The following TRIM56 variants were observed in gnomAD, a reference collection of about 807,000 sequenced individuals.
The protein encoded by TRIM56 is tripartite motif containing 56.
TRIM56 carries 10 observed loss-of-function variants against 17.1 expected under a neutral mutation model. The observed-to-expected ratio is 0.58, with a 90% confidence interval of 0.36 to 0.99. The LOEUF (loss-of-function observed/expected upper bound fraction) is 0.99. Among genes scored for constraint, TRIM56 ranks in the 50% least tolerant of loss-of-function variants. TRIM56 has a pLI of 0.01. For synonymous variants in TRIM56, 503 were observed against 473.5 expected (o/e 1.06, Z -0.81); for missense variants, 923 against 1,052.3 (o/e 0.88, Z 1.70).
rs564851373 is a variant in TRIM56 at position 101,092,094 on chromosome 7, A to G, written c.*2514A>G. The G allele has an allele frequency of 2.0e-5, 6 of 292,752 alleles. No individual in the cohort carries two copies. The highest frequency in any genetic ancestry group is 1.7e-4 in the South Asian group (6 of 35,950). 18.1% of individuals were successfully genotyped at this position (292,752 alleles called of 1,614,324 possible). A position where few individuals can be genotyped will look rare whatever the true frequency, so the allele number is the denominator to read the frequency against. ...CGGAGTCTCGTTCACTCGGTGCTCA[A>G]TGTTGCCCAGGCTGGAGTGCAGTGT... On this transcript the variant is annotated 3_prime_UTR_variant, in exon 3 of 3. Transcript: ENST00000306085.
chr7:101,088,202 G>A lies in TRIM56; in HGVS notation c.890G>A (p.Gly297Asp), dbSNP rs1288198183. Reference sequence around the variant, plus strand: ...CGGGAGAGGCTGGCGGAGCTTGAGGGCCGGGAGCAGGTGGCCAGGGCCGCA... The same window carrying A: ...CGGGAGAGGCTGGCGGAGCTTGAGGACCGGGAGCAGGTGGCCAGGGCCGCA... ...AARERLAELE[G>D]REQVARAAAA... Residue 297 changes from glycine (G) to aspartate (D), a missense_variant, in exon 3 of 3, where the codon GGC (glycine) becomes GAC (aspartate). By Grantham distance (94) the Gly-to-Asp change is moderately conservative. Transcript: ENST00000306085. 4 of 1,473,446 alleles carry A rather than the reference G, an allele frequency of 2.7e-6. No homozygotes were observed. Among genetic ancestry groups the A allele is most frequent in the Non-Finnish European group, 3.6e-6 (4 of 1,116,644 alleles). 91.3% of individuals were successfully genotyped at this position (1,473,446 alleles called of 1,614,324 possible). A position where few individuals can be genotyped will look rare whatever the true frequency, so the allele number is the denominator to read the frequency against.
rs770055433 is a variant in TRIM56, at chr7:101,089,280, T to C, written c.1968T>C (p.Asn656=). 6.2e-7 allele frequency: 1 copy of C among 1,609,844 alleles called. No homozygotes were observed. Among genetic ancestry groups the C allele is most frequent in the Admixed American group, 1.7e-5 (1 of 59,760 alleles). Residue 656 remains asparagine, a synonymous_variant, in exon 3 of 3, where the codon AAT becomes AAC. Coordinates refer to ENST00000306085, the MANE Select transcript of TRIM56 (RefSeq NM_030961.3). ...GHFVGSDWQQ[N]SVVICDGLGQ... ...TCGTGGGGTCGGACTGGCAGCAGAA[T>C]AGTGTGGTAATCTGTGATGGGCTGG...
Position 101,093,124 on chromosome 7 carries a change from A to C in TRIM56, c.*3544A>C, listed in dbSNP as rs1364029519. Reference sequence around the variant, plus strand: ...GTGCAAGATGTGCTTTGTTAAACAGATGCTTGAAGGCAGCATGCTCCTTAA... The same window carrying C: ...GTGCAAGATGTGCTTTGTTAAACAGCTGCTTGAAGGCAGCATGCTCCTTAA... On this transcript the variant is annotated 3_prime_UTR_variant, in exon 3 of 3. Coordinates refer to ENST00000306085, the MANE Select transcript of TRIM56 (RefSeq NM_030961.3). 1 of 163,570 alleles carries C rather than the reference A, an allele frequency of 6.1e-6. No individual in the cohort carries two copies. Among genetic ancestry groups the C allele is most frequent in the Non-Finnish European group, 1.3e-5 (1 of 75,684 alleles). The allele number at this position is 163,570 out of a possible 1,614,324, so 10.1% of individuals were successfully genotyped here. A position where few individuals can be genotyped will look rare whatever the true frequency, so the allele number is the denominator to read the frequency against.
chr7:101,088,941 C>A lies in TRIM56; in HGVS notation c.1629C>A (p.Thr543=). Residue 543 remains threonine, a synonymous_variant, in exon 3 of 3, where the codon ACC becomes ACA. Coordinates refer to ENST00000306085, the MANE Select transcript of TRIM56 (RefSeq NM_030961.3). The part of the protein sequence containing the change: ...RFSLNGDYKG[T]VPVPEGCSPC... Reference sequence around the variant, plus strand: ...CCCTCAACGGCGACTACAAGGGCACCGTGCCGGTCCCTGAGGGCTGCTCCC... The same window carrying A: ...CCCTCAACGGCGACTACAAGGGCACAGTGCCGGTCCCTGAGGGCTGCTCCC... The A allele has an allele frequency of 1.9e-6, 3 of 1,613,494 alleles. No individual in the cohort carries two copies. The highest frequency in any genetic ancestry group is 2.2e-5 in the East Asian group (1 of 44,868).
rs1217012096 is a variant in TRIM56 at position 101,095,555 on chromosome 7, C to T, written c.*5975C>T. ...CTGGCTGGTGAAATGATTCTAGCCA[C>T]GTGGCCCACCCAGGGGGCAAAACAA... On this transcript the variant is annotated 3_prime_UTR_variant, in exon 3 of 3. Coordinates refer to ENST00000306085, the MANE Select transcript of TRIM56 (RefSeq NM_030961.3). The T allele has an allele frequency of 6.6e-6, 1 of 152,150 alleles. No individual in the cohort carries two copies. The highest frequency in any genetic ancestry group is 2.1e-4 in the South Asian group (1 of 4,832). The allele number at this position is 152,150 out of a possible 1,614,324, so 9.4% of individuals were successfully genotyped here.
chr7:101,087,804 C>A lies in TRIM56; in HGVS notation c.492C>A (p.Arg164=). ...AGWYDEEARE[R]QAAQCPQHPG... ...GGTATGATGAGGAGGCCCGGGAGCG[C>A]CAAGCGGCCCAGTGTCCCCAGCACC... is the stretch of plus-strand genomic sequence containing the variant. Residue 164 remains arginine, a synonymous_variant, in exon 3 of 3, where the codon CGC becomes CGA. Coordinates refer to ENST00000306085, the MANE Select transcript of TRIM56 (RefSeq NM_030961.3). 6.2e-7 allele frequency: 1 copy of A among 1,605,856 alleles called. No homozygotes were observed.
At position 101,090,832 on chromosome 7, in the gene TRIM56, C is replaced by T. The variant is rs10233905; in HGVS notation, c.*1252C>T. The stretch of plus-strand genomic sequence containing the variant: ...AAATCTCTAGGCTCCAACGCTTCTG[C>T]TTCGGTGTCTTTCCATTTCCCAGGG... On this transcript the variant is annotated 3_prime_UTR_variant, in exon 3 of 3. Transcript: ENST00000306085. 0.13 allele frequency: 20,480 copies of T among 152,108 alleles called. 2,367 individuals are homozygous for T. Among genetic ancestry groups the T allele is most frequent in the African/African-American group, 0.32 (13,226 of 41,396 alleles). The allele number at this position is 152,108 out of a possible 1,614,324, so 9.4% of individuals were successfully genotyped here. A position where few individuals can be genotyped will look rare whatever the true frequency, so the allele number is the denominator to read the frequency against.
In TRIM56 at chr7:101,087,848, T is replaced by C. The variant is rs1795478964; in HGVS notation, c.536T>C (p.Phe179Ser). 1 of 1,604,646 alleles carries C rather than the reference T, an allele frequency of 6.2e-7. No homozygotes were observed. The highest frequency in any genetic ancestry group is 8.5e-7 in the Non-Finnish European group (1 of 1,176,818). Residue 179 changes from phenylalanine to serine, a missense_variant, in exon 3 of 3, where the codon TTC (phenylalanine) becomes TCC (serine). By Grantham distance (155) the Phe-to-Ser change is radical. Coordinates refer to ENST00000306085, the MANE Select transcript of TRIM56 (RefSeq NM_030961.3). ...CPQHPGEALR[F>S]LCQPCSQLLC... ...CAGCACCCCGGGGAGGCACTGCGCT[T>C]CCTGTGCCAGCCCTGCTCACAGTTG...
chr7:101,087,918 C>T lies in TRIM56; in HGVS notation c.606C>T (p.Cys202=). The change falls in exon 3 of 3, where the codon TGC becomes TGT. Residue 202 remains cysteine, a synonymous_variant. Coordinates refer to ENST00000306085, the MANE Select transcript of TRIM56 (RefSeq NM_030961.3). ...TAGACCCCCACCTGGACCACCCCTG[C>T]CTGCCTCTGGCTGAAGCTGTGCGTG... ...CRLDPHLDHP[C]LPLAEAVRAR... is the part of the protein sequence containing the mutation. The T allele has an allele frequency of 6.2e-7, 1 of 1,602,058 alleles. No individual in the cohort carries two copies. The highest frequency in any genetic ancestry group is 8.5e-7 in the Non-Finnish European group (1 of 1,177,668).
rs1047368698 is a variant in TRIM56, at chr7:101,095,257, C to T, written c.*5677C>T. 2 of 152,348 alleles carry T rather than the reference C, an allele frequency of 1.3e-5. No homozygotes were observed. Among genetic ancestry groups the T allele is most frequent in the African/African-American group, 4.8e-5 (2 of 41,418 alleles). 9.4% of individuals were successfully genotyped at this position (152,348 alleles called of 1,614,324 possible). ...AGAGGTGGTGGCATGCACCCGTAGTCCCAGCTGCTCGGGAGGCTGAGGCAG... is the reference window on the plus strand; with the variant it reads ...AGAGGTGGTGGCATGCACCCGTAGTTCCAGCTGCTCGGGAGGCTGAGGCAG... On this transcript the variant is annotated 3_prime_UTR_variant, in exon 3 of 3. Transcript: ENST00000306085.
rs60331466 is a variant in TRIM56 at position 101,093,529 on chromosome 7, TA to T, written c.*3963del. 0.12 allele frequency: 16,716 copies of T among 136,964 alleles called. 1,391 individuals are homozygous for T. Among genetic ancestry groups the T allele is most frequent in the African/African-American group, 0.25 (9,654 of 37,890 alleles). 8.5% of individuals were successfully genotyped at this position (136,964 alleles called of 1,614,324 possible). On this transcript the variant is annotated 3_prime_UTR_variant, in exon 3 of 3. Coordinates refer to ENST00000306085, the MANE Select transcript of TRIM56 (RefSeq NM_030961.3). ...TAGTAAAATAAAAAATAATAATAAT[TA>T]AAAAAAAAAAAAAGAAAGGCTGGAC...
Position 101,088,511 on chromosome 7 carries a change from C to T in TRIM56, c.1199C>T (p.Pro400Leu), listed in dbSNP as rs760060004. Reference sequence around the variant, plus strand: ...AGCCAGAGCCGGAGGGAGGATGAGCCGAAGACTGAGAGACAGGGTGGAGTC... The same window carrying T: ...AGCCAGAGCCGGAGGGAGGATGAGCTGAAGACTGAGAGACAGGGTGGAGTC... ...EESQSRREDE[P>L]KTERQGGVQP... is the part of the protein sequence containing the mutation. Residue 400 changes from proline to leucine, a missense_variant, in exon 3 of 3, where the codon CCG (proline) becomes CTG (leucine). Physicochemically the swap from Pro to Leu is moderately conservative, Grantham distance 98. Around this residue, in one of 3 missense-constraint regions of TRIM56, gnomAD observed 643 missense variants for 665.6 expected, o/e 0.97. Transcript: ENST00000306085. The T allele has an allele frequency of 1.9e-6, 3 of 1,613,704 alleles. No individual in the cohort carries two copies. The highest frequency in any genetic ancestry group is 1.3e-5 in the African/African-American group (1 of 74,980).
Position 101,088,589 on chromosome 7 carries a change from C to A in TRIM56, c.1277C>A (p.Thr426Lys), listed in dbSNP as rs1323673977. 4 of 1,612,904 alleles carry A rather than the reference C, an allele frequency of 2.5e-6. No individual in the cohort carries two copies. The African/African-American group carries it at 5.3e-5, about 22-fold the overall frequency. ...ACCCCAAAAGAGGAAAAAGCCCAGA[C>A]AACCCGAGAAGAGGGAGCCCAGACC... ...AQTPKEEKAQTTREEGAQTLE... is the reference protein window; with the variant it reads ...AQTPKEEKAQKTREEGAQTLE... The change falls in exon 3 of 3, where the codon ACA becomes AAA. Residue 426 changes from threonine to lysine, a missense_variant. Thr to Lys is a moderately conservative substitution (Grantham distance 78). Transcript: ENST00000306085.
At chr7:101,086,082 C>T (rs1057296575) in intron 1 of TRIM56, among the ~76,000 whole-genome samples, 8 of 152,164 alleles carry the variant, frequency 5.3e-5, no homozygotes, top group Admixed American at 2.0e-4. Flanking sequence ...CCACCACCCG[C>T]GATGCTGCCC....
chr7:101,097,846 A>G lies in TRIM56; in HGVS notation c.*8266A>G, dbSNP rs2116549933. The G allele has an allele frequency of 6.6e-6, 1 of 152,202 alleles. No homozygotes were observed. The highest frequency in any genetic ancestry group is 1.9e-4 in the East Asian group (1 of 5,186). 9.4% of individuals were successfully genotyped at this position (152,202 alleles called of 1,614,324 possible). On this transcript the variant is annotated 3_prime_UTR_variant, in exon 3 of 3. Transcript: ENST00000306085. Reference sequence around the variant, plus strand: ...TGTAAACTCTTCAGTTCCTTTGGTTATGGATTTTGTATCTTTTCTGTGTTT... The same window carrying G: ...TGTAAACTCTTCAGTTCCTTTGGTTGTGGATTTTGTATCTTTTCTGTGTTT...
rs775634811 is a variant in TRIM56, at chr7:101,088,884, G to A, written c.1572G>A (p.Ala524=). 2.7e-5 allele frequency: 43 copies of A among 1,613,748 alleles called. No individual in the cohort carries two copies. Among genetic ancestry groups the A allele is most frequent in the Non-Finnish European group, 3.3e-5 (39 of 1,180,036 alleles). Residue 524 remains alanine (A), a synonymous_variant, in exon 3 of 3, where the codon GCG becomes GCA. Coordinates refer to ENST00000306085, the MANE Select transcript of TRIM56 (RefSeq NM_030961.3). ...CPFGPREILV[A]DEQNRALKRF... ...TCGGTCCCCGGGAGATCCTGGTGGCGGATGAGCAGAACCGGGCACTGAAAC... is the reference window on the plus strand; with the variant it reads ...TCGGTCCCCGGGAGATCCTGGTGGCAGATGAGCAGAACCGGGCACTGAAAC...
chr7:101,089,369 T>C lies in TRIM56; in HGVS notation c.2057T>C (p.Val686Ala), dbSNP rs1183287688. The C allele has an allele frequency of 6.2e-7, 1 of 1,611,602 alleles. No individual in the cohort carries two copies. The highest frequency in any genetic ancestry group is 1.3e-5 in the African/African-American group (1 of 75,006). ...LHGCQPGSVS[V>A]DKKGYIFLTL... The stretch of plus-strand genomic sequence containing the variant: ...GGCTGCCAGCCGGGCTCCGTGTCTG[T>C]GGATAAGAAGGGCTACATCTTTCTG... The change falls in exon 3 of 3, where the codon GTG becomes GCG. Residue 686 changes from valine to alanine, a missense_variant. Transcript: ENST00000306085.
In TRIM56 at chr7:101,087,409, A is replaced by G. The variant is rs917789440; in HGVS notation, c.97A>G (p.Thr33Ala). Residue 33 changes from threonine (T) to alanine (A), a missense_variant, in exon 3 of 3, where the codon ACA (threonine) becomes GCA (alanine). Coordinates refer to ENST00000306085, the MANE Select transcript of TRIM56 (RefSeq NM_030961.3). Reference protein sequence around the residue: ...ICLEQLRAPKTLPCLHTYCQD... With the variant: ...ICLEQLRAPKALPCLHTYCQD... Reference sequence around the variant, plus strand: ...CCTGGAGCAGCTGCGGGCACCCAAGACACTGCCCTGCCTGCATACCTACTG... The same window carrying G: ...CCTGGAGCAGCTGCGGGCACCCAAGGCACTGCCCTGCCTGCATACCTACTG... 3.1e-6 allele frequency: 5 copies of G among 1,612,874 alleles called. No individual in the cohort carries two copies. The highest frequency in any genetic ancestry group is 4.2e-6 in the Non-Finnish European group (5 of 1,179,996).
At position 101,087,864 on chromosome 7, in the gene TRIM56, C is replaced by T. The variant is rs774533178; in HGVS notation, c.552C>T (p.Cys184=). 3.1e-6 allele frequency: 5 copies of T among 1,605,634 alleles called. No individual in the cohort carries two copies. The highest frequency in any genetic ancestry group is 2.2e-5 in the East Asian group (1 of 44,716). The change falls in exon 3 of 3, where the codon TGC becomes TGT. Residue 184 remains cysteine, a synonymous_variant. Coordinates refer to ENST00000306085, the MANE Select transcript of TRIM56 (RefSeq NM_030961.3). ...CACTGCGCTTCCTGTGCCAGCCCTGCTCACAGTTGCTGTGCAGAGAGTGCC... is the reference window on the plus strand; with the variant it reads ...CACTGCGCTTCCTGTGCCAGCCCTGTTCACAGTTGCTGTGCAGAGAGTGCC... ...GEALRFLCQP[C]SQLLCRECRL... is the part of the protein sequence containing the mutation.
Sources: allele counts gnomAD v4.1 joint callset (sites outside exome capture counted in the v4.1 genomes callset), GRCh38; gene constraint gnomAD v4.1.1; regional missense constraint gnomAD v4.1.1; transcripts MANE v1.5; gene names NCBI Gene and HGNC (gene_info 2026-07-23, HGNC 2026-07-21).